Variants in ATXN1 observed in about 807,000 individuals in gnomAD.
The protein encoded by ATXN1 is ataxin-1.
Under a neutral mutation model 56.4 loss-of-function variants are expected in ATXN1, and 8 were observed. The ratio of observed to expected loss-of-function variants is 0.14; its 90% CI spans 0.08 to 0.26. The LOEUF is 0.26. Among genes scored for constraint, ATXN1 ranks in the 10% least tolerant of loss-of-function variants. ATXN1 has a pLI of 1.00. For synonymous variants in ATXN1, 514 were observed against 494.6 expected (o/e 1.04, Z -0.52); for missense variants, 987 against 1,106.5 (o/e 0.89, Z 1.53).
chr6:16,404,694 T>TCG (rs1006797148), intron 6 of ATXN1, among the ~76,000 whole-genome samples: 1 of 131,940 alleles, frequency 7.6e-6, no homozygotes, highest in Non-Finnish European at 1.5e-5. Context: ...GCACGCGCAC[T>TCG]CGCGCGCGCG....
chr6:16,569,348 G>A (rs141826171), intron 4 of ATXN1, among the ~76,000 whole-genome samples: 7,524 of 152,008 alleles, frequency 0.049, 235 homozygotes, highest in Non-Finnish European at 0.073. Flanking sequence ...GTGAAACCTC[G>A]TCTCTGCTAA....
intron 4 of ATXN1, among the ~76,000 whole-genome samples, chr6:16,527,645 G>C (rs1267184585): frequency 6.6e-6 from 1 of 152,122 alleles, no homozygotes; most frequent in East Asian, 1.9e-4. Context: ...ATTTGTGGTG[G>C]GGGTCATGCT....
At chr6:16,650,121 G>A (rs1036216675) in intron 3 of ATXN1, among the ~76,000 whole-genome samples, 1 of 152,122 alleles carries the variant, frequency 6.6e-6, no homozygotes, top group Non-Finnish European at 1.5e-5. Flanking sequence ...AGGCCTCAAC[G>A]AATGAGTGGG....
chr6:16,742,388 A>G (rs147715147), intron 2 of ATXN1, among the ~76,000 whole-genome samples: 56 of 152,288 alleles, frequency 3.7e-4, no homozygotes, highest in African/African-American at 1.2e-3. Context: ...AGCCTGGAAA[A>G]GGGGAAGAAT....
At chr6:16,415,783 C>T (rs1009863564) in intron 6 of ATXN1, among the ~76,000 whole-genome samples, 7 of 152,214 alleles carry the variant, frequency 4.6e-5, no homozygotes, top group African/African-American at 1.7e-4. Context: ...AACCATCTTA[C>T]TTATAGCAAA....
intron 6 of ATXN1, among the ~76,000 whole-genome samples, chr6:16,416,896 C>A (rs1304664014): frequency 3.3e-5 from 5 of 152,154 alleles, no homozygotes; most frequent in Non-Finnish European, 2.9e-5. Context: ...TTTTATCTTG[C>A]ATGGTGTAGG....
At position 16,519,641 on chromosome 6, in the gene ATXN1, G is replaced by A. The variant is rs80234647; in HGVS notation, c.-299+2986C>T. Among the ~76,000 whole-genome samples, 126 of 152,248 alleles carry A rather than the reference G, an allele frequency of 8.3e-4. 3 individuals carry two copies. In the East Asian group the frequency reaches 0.022, roughly 27 times the overall value. ...ATTTCAGCCAGGAGCAGCTGACCAC[G>A]ATGCCCAGGAAGTACCCTCCCCACC... On this transcript the variant is annotated intron_variant, in intron 5 of 7. Transcript: ENST00000436367.
chr6:16,318,378 TCTTAA>T (rs1760563865), intron 7 of ATXN1, among the ~76,000 whole-genome samples: 1 of 152,226 alleles, frequency 6.6e-6, no homozygotes, highest in South Asian at 2.1e-4. Flanking sequence ...AATTGGGCAT[TCTTAA>T]CTTTGTCTGC....
intron 3 of ATXN1, among the ~76,000 whole-genome samples, chr6:16,590,068 C>T (rs923412926): frequency 1.3e-5 from 2 of 152,114 alleles, no homozygotes; most frequent in Admixed American, 1.3e-4. Flanking sequence ...TAAATACTTA[C>T]TGTAAGCTAT....
chr6:16,338,922 G>A (rs1253406689), intron 6 of ATXN1, among the ~76,000 whole-genome samples: 1 of 152,118 alleles, frequency 6.6e-6, no homozygotes, highest in African/African-American at 2.4e-5. Flanking sequence ...CAACAAGAAG[G>A]AAGGCAATTC....
chr6:16,399,144 T>C (rs111241295), intron 6 of ATXN1, among the ~76,000 whole-genome samples: 8 of 152,244 alleles, frequency 5.3e-5, no homozygotes, highest in Non-Finnish European at 1.0e-4. Flanking sequence ...GTCAATGGAC[T>C]GACCTTGTGG....
At chr6:16,594,155 C>T (rs1762773427) in intron 3 of ATXN1, among the ~76,000 whole-genome samples, 1 of 69,800 alleles carries the variant, frequency 1.4e-5, no homozygotes, top group Admixed American at 2.1e-4. Context: ...ATATATTAGA[C>T]TAATATATAT....
intron 2 of ATXN1, among the ~76,000 whole-genome samples, chr6:16,705,946 C>T (rs1225758847): frequency 6.6e-6 from 1 of 152,058 alleles, no homozygotes; most frequent in Non-Finnish European, 1.5e-5. Context: ...TACATTGCAT[C>T]CAAGATAAAA....
chr6:16,510,669 T>C lies in ATXN1; in HGVS notation c.-299+11958A>G, dbSNP rs539360589. ...GGAGGACTGCTTGAACCCCAGGAGG[T>C]TGAGGCTGCAATGAGCTGTGAGTGC... On this transcript the variant is annotated intron_variant, in intron 5 of 7. Transcript: ENST00000436367. Among the ~76,000 whole-genome samples the C allele has an allele frequency of 5.3e-5, 8 of 152,132 alleles. No individual in the cohort carries two copies. In the East Asian group the frequency reaches 7.7e-4, roughly 15 times the overall value.
intron 6 of ATXN1, among the ~76,000 whole-genome samples, chr6:16,401,265 G>T (rs975793139): frequency 6.6e-6 from 1 of 152,122 alleles, no homozygotes; most frequent in African/African-American, 2.4e-5. Context: ...CACAACATGG[G>T]AAGTCATTAA....
At chr6:16,564,429 T>C (rs1266647204) in intron 4 of ATXN1, among the ~76,000 whole-genome samples, 1 of 152,164 alleles carries the variant, frequency 6.6e-6, no homozygotes. Context: ...GCACTGTTCA[T>C]AATAGTGAAA....
chr6:16,524,253 T>A (rs1761348777), intron 4 of ATXN1, among the ~76,000 whole-genome samples: 1 of 152,120 alleles, frequency 6.6e-6, no homozygotes, highest in Non-Finnish European at 1.5e-5. Flanking sequence ...ACACTTACTA[T>A]GCAGTCAGAC....
chr6:16,429,781 A>G, intron 6 of ATXN1, among the ~76,000 whole-genome samples: 1 of 152,168 alleles, frequency 6.6e-6, no homozygotes, highest in Non-Finnish European at 1.5e-5. Flanking sequence ...TTCGATCCAC[A>G]TAAAAACCGC....
chr6:16,514,394 C>T (rs1287448788), intron 5 of ATXN1, among the ~76,000 whole-genome samples: 2 of 152,184 alleles, frequency 1.3e-5, no homozygotes, highest in African/African-American at 4.8e-5. Context: ...GAGCGAGGCA[C>T]ACCAGCAGGA....
Sources: gnomAD v4.1 joint callset for allele counts (sites outside exome capture counted in the v4.1 genomes callset) on GRCh38, gnomAD v4.1.1 for gene constraint, MANE v1.5 for transcripts, NCBI Gene and HGNC (gene_info 2026-07-23, HGNC 2026-07-21) for gene names.